The following HECTD2 variants were observed in gnomAD, a reference collection of about 807,000 sequenced individuals.
The protein encoded by HECTD2 is probable E3 ubiquitin-protein ligase HECTD2.
Under a neutral mutation model 103.2 loss-of-function variants are expected in HECTD2, and 35 were observed. That is an observed-to-expected ratio of 0.34 (90% CI 0.26 to 0.45). The LOEUF is 0.45. HECTD2 is among the 20% of genes least tolerant of loss of function. The pLI is 1.00. For missense variants in HECTD2, 596 were observed against 937.4 expected, an observed-to-expected ratio of 0.64 and a Z score of 4.76; for synonymous variants, 281 against 329.9, an observed-to-expected ratio of 0.85 and a Z score of 1.61.
intron 2 of HECTD2, among the ~76,000 whole-genome samples, chr10:91,450,396 A>G (rs568489020): frequency 2.6e-5 from 4 of 152,276 alleles, no homozygotes; most frequent in African/African-American, 9.6e-5. Context: ...AAAAACTTAA[A>G]TGTAAAACCT....
intron 2 of HECTD2, among the ~76,000 whole-genome samples, chr10:91,430,651 T>C (rs527895959): frequency 2.0e-5 from 3 of 152,262 alleles, no homozygotes; most frequent in South Asian, 4.1e-4. Flanking sequence ...CTTTGTCTCT[T>C]TTGATCTTTT....
upstream of HECTD2, chr10:91,409,528 G>C (rs954923895): frequency 2.6e-5 from 4 of 153,052 alleles, no homozygotes; most frequent in Admixed American, 2.0e-4. Context: ...GGACGGGAAG[G>C]GAGAGGCGGA....
intron 20 of HECTD2, among the ~76,000 whole-genome samples, chr10:91,508,127 T>C (rs1847269241): frequency 9.6e-6 from 1 of 104,654 alleles, no homozygotes; most frequent in Non-Finnish European, 1.8e-5. Context: ...CAATTCAAGA[T>C]GGATTAAAGA....
At chr10:91,440,283 G>A (rs543681915) in intron 2 of HECTD2, among the ~76,000 whole-genome samples, 1 of 152,246 alleles carries the variant, frequency 6.6e-6, no homozygotes, top group Admixed American at 6.5e-5. Context: ...TTTTTAGCAT[G>A]AATGGGGTGT....
chr10:91,479,302 A>G (rs1342078414), intron 6 of HECTD2, among the ~76,000 whole-genome samples: 1 of 152,172 alleles, frequency 6.6e-6, no homozygotes, highest in Admixed American at 6.5e-5. Flanking sequence ...GGACACTACT[A>G]TTTTAATGTA....
In HECTD2 at chr10:91,498,183, G is replaced by C; in HGVS notation, c.1755+1G>C. 6.3e-7 allele frequency: 1 copy of C among 1,593,458 alleles called. No homozygotes were observed. Among genetic ancestry groups the C allele is most frequent in the Non-Finnish European group, 8.6e-7 (1 of 1,161,586 alleles). ...AGAAGATTTCTATTCAACATTTCAGGTACTATTAAGGGCAAGTAGTTATCT... is the reference window on the plus strand; with the variant it reads ...AGAAGATTTCTATTCAACATTTCAGCTACTATTAAGGGCAAGTAGTTATCT... On this transcript the variant is annotated splice_donor_variant, in intron 16 of 20. Transcript: ENST00000298068. LOFTEE classifies it high-confidence loss of function.
At chr10:91,425,993 A>C (rs1331510049) in intron 2 of HECTD2, among the ~76,000 whole-genome samples, 1 of 152,036 alleles carries the variant, frequency 6.6e-6, no homozygotes, top group Non-Finnish European at 1.5e-5. Context: ...TATACTGCAA[A>C]TACTATGCTT....
At chr10:91,488,295 G>A (rs1007836972) in intron 11 of HECTD2, 1 of 153,038 alleles carries the variant, frequency 6.5e-6, no homozygotes, top group African/African-American at 2.4e-5. Context: ...AAAATGCATG[G>A]AGACCCAAAG....
intron 2 of HECTD2, among the ~76,000 whole-genome samples, chr10:91,437,901 G>A (rs571883736): frequency 6.6e-6 from 1 of 151,838 alleles, no homozygotes; most frequent in African/African-American, 2.4e-5. Flanking sequence ...ATATAAACTA[G>A]TGGTTTTAAA....
intron 2 of HECTD2, among the ~76,000 whole-genome samples, chr10:91,453,799 A>G (rs756042772): frequency 1.3e-5 from 2 of 152,160 alleles, no homozygotes; most frequent in Non-Finnish European, 2.9e-5. Context: ...AATTTGCTTC[A>G]AATATAACAG....
At chr10:91,432,652 A>G (rs1205115198) in intron 2 of HECTD2, among the ~76,000 whole-genome samples, 3 of 143,874 alleles carry the variant, frequency 2.1e-5, no homozygotes, top group Non-Finnish European at 4.4e-5. Flanking sequence ...AAATGAAGCA[A>G]TTCTTCCCCA....
At chr10:91,498,218 ATATT>A (rs1846759158) in intron 16 of HECTD2, 36 bp downstream of exon 16, 1 of 1,353,382 alleles carries the variant, frequency 7.4e-7, no homozygotes, top group Non-Finnish European at 1.1e-6. Context: ...TGTTAATCAT[ATATT>A]TCATATATGA....
intron 1 of HECTD2, among the ~76,000 whole-genome samples, chr10:91,415,718 A>C (rs1172403131): frequency 6.6e-6 from 1 of 152,208 alleles, no homozygotes; most frequent in African/African-American, 2.4e-5. Context: ...AGCTGCACCT[A>C]TGGCAGTATT....
chr10:91,509,505 G>A (rs1367558532), intron 20 of HECTD2, among the ~76,000 whole-genome samples: 1 of 152,020 alleles, frequency 6.6e-6, no homozygotes, highest in Non-Finnish European at 1.5e-5. Flanking sequence ...ACACATGCAT[G>A]CATATGTTCA....
At chr10:91,422,624 T>C (rs1843402732) in intron 1 of HECTD2, among the ~76,000 whole-genome samples, 1 of 152,178 alleles carries the variant, frequency 6.6e-6, no homozygotes, top group South Asian at 2.1e-4. Context: ...ATGTAACCTG[T>C]TTATATTTCA....
chr10:91,433,139 CTA>C (rs1843963692), intron 2 of HECTD2, among the ~76,000 whole-genome samples: 1 of 152,064 alleles, frequency 6.6e-6, no homozygotes, highest in East Asian at 1.9e-4. Flanking sequence ...GACTAAATCT[CTA>C]AGATCTTTCC....
intron 20 of HECTD2, among the ~76,000 whole-genome samples, chr10:91,509,948 ATGT>A (rs753796420): frequency 2.0e-5 from 3 of 152,194 alleles, no homozygotes; most frequent in Admixed American, 6.5e-5. Context: ...GAGGAAAAAC[ATGT>A]TGTATTATAT....
intron 2 of HECTD2, among the ~76,000 whole-genome samples, chr10:91,457,363 A>AAG (rs914800297): frequency 1.4e-4 from 21 of 152,222 alleles, no homozygotes; most frequent in African/African-American, 4.6e-4. Context: ...AAAAAAATAA[A>AAG]AGAAAAAATT....
chr10:91,463,490 T>C (rs889605467), intron 5 of HECTD2: 2 of 152,148 alleles, frequency 1.3e-5, no homozygotes, highest in Non-Finnish European at 2.9e-5. Flanking sequence ...TATTCATCCA[T>C]TAATTCTAAT....
Sources: gnomAD v4.1 joint callset for allele counts (sites outside exome capture counted in the v4.1 genomes callset) on GRCh38, gnomAD v4.1.1 for gene constraint, MANE v1.5 for transcripts, NCBI Gene and HGNC (gene_info 2026-07-23, HGNC 2026-07-21) for gene names.